Variants in ORC3 observed in about 807,000 individuals in gnomAD.
ORC3 encodes homolog of latheo, Drosophila.
ORC3 carries 78 observed loss-of-function variants against 100.7 expected under a neutral mutation model. The ratio of observed to expected loss-of-function variants is 0.77; its 90% CI spans 0.65 to 0.94. ORC3 has a LOEUF of 0.94. Ranked by LOEUF, ORC3 falls within the 40% of genes least tolerant of loss-of-function variation. The pLI is 0.00. For synonymous variants in ORC3, 295 were observed against 289.3 expected, an observed-to-expected ratio of 1.02 and a Z score of -0.20; for missense variants, 789 against 823.9, an observed-to-expected ratio of 0.96 and a Z score of 0.52.
chr6:87,613,806 G>C (rs1035934089), intron 8 of ORC3, among the ~76,000 whole-genome samples: 1 of 152,314 alleles, frequency 6.6e-6, no homozygotes, highest in East Asian at 1.9e-4. Flanking sequence ...TGATGCAAGA[G>C]GTGGGTTCCC....
chr6:87,616,003 G>A (rs1779127172), intron 8 of ORC3, among the ~76,000 whole-genome samples: 1 of 150,696 alleles, frequency 6.6e-6, no homozygotes. Flanking sequence ...CTTCTTCAGT[G>A]GTTTCTGGTG....
intron 3 of ORC3, 52 bp from the exon 4 acceptor site, chr6:87,603,332 G>C: frequency 1.0e-6 from 1 of 965,714 alleles, no homozygotes; most frequent in East Asian, 2.7e-5. Context: ...AACCAGGAAA[G>C]ACATCAGATT....
intron 11 of ORC3, among the ~76,000 whole-genome samples, chr6:87,624,389 C>G (rs1406928651): frequency 2.6e-5 from 4 of 152,072 alleles, no homozygotes; most frequent in Non-Finnish European, 4.4e-5. Flanking sequence ...GAGGCTGAGG[C>G]AGGAGAATCA....
At position 87,667,284 on chromosome 6, in the gene ORC3, A is replaced by G; in HGVS notation, c.*161A>G. ...AGTACATTGCTAACCCCAAACAGGCATGTATCAAAACACCTGTGGAGTACT... is the reference window on the plus strand; with the variant it reads ...AGTACATTGCTAACCCCAAACAGGCGTGTATCAAAACACCTGTGGAGTACT... On this transcript the variant is annotated 3_prime_UTR_variant, in exon 20 of 20. Coordinates refer to ENST00000392844, the MANE Select transcript of ORC3 (RefSeq NM_012381.4). The G allele has an allele frequency of 1.9e-6, 1 of 526,158 alleles. No individual in the cohort carries two copies. The highest frequency in any genetic ancestry group is 3.3e-6 in the Non-Finnish European group (1 of 300,122). The allele number at this position is 526,158 out of a possible 1,614,324, so 32.6% of individuals were successfully genotyped here.
intron 14 of ORC3, among the ~76,000 whole-genome samples, chr6:87,655,189 A>G (rs992483124): frequency 3.9e-5 from 6 of 152,074 alleles, no homozygotes; most frequent in African/African-American, 1.4e-4. Flanking sequence ...AGAGTGTCAT[A>G]TCAGATTTTT....
intron 15 of ORC3, 66 bp downstream of exon 15, chr6:87,657,048 GATTAA>G: frequency 9.3e-7 from 1 of 1,071,352 alleles, no homozygotes; most frequent in Non-Finnish European, 1.5e-6. Flanking sequence ...TTGTGCTCTA[GATTAA>G]CTCTGCCTGG....
intron 2 of ORC3, among the ~76,000 whole-genome samples, chr6:87,599,069 G>A (rs1777683747): frequency 6.6e-6 from 1 of 152,156 alleles, no homozygotes; most frequent in Admixed American, 6.6e-5. Context: ...TAGAAACCTG[G>A]CAACAGTGAG....
At chr6:87,676,196 G>A in the ORC3 span, among the ~76,000 whole-genome samples, 5 of 151,944 alleles carry the variant, frequency 3.3e-5, no homozygotes. Context: ...CGGGTGCGGT[G>A]GCTCACGCCT....
At chr6:87,606,170 G>A in intron 5 of ORC3, 149 bp downstream of exon 5, 1 of 542,670 alleles carries the variant, frequency 1.8e-6, no homozygotes, top group Non-Finnish European at 3.3e-6. Context: ...GGGGCTCTCA[G>A]AGTAATTGTG....
chr6:87,672,703 T>C, the ORC3 span, among the ~76,000 whole-genome samples: 1 of 152,204 alleles, frequency 6.6e-6, no homozygotes, highest in Non-Finnish European at 1.5e-5. Context: ...AAGCAGTCTC[T>C]GGGGATAGGT....
In ORC3 at chr6:87,634,827, A is replaced by G; in HGVS notation, c.1186-18A>G. The G allele has an allele frequency of 1.8e-6, 2 of 1,092,924 alleles. No homozygotes were observed. The highest frequency in any genetic ancestry group is 1.5e-5 in the African/African-American group (1 of 65,000). The allele number at this position is 1,092,924 out of a possible 1,614,324, so 67.7% of individuals were successfully genotyped here. A position where few individuals can be genotyped will look rare whatever the true frequency, so the allele number is the denominator to read the frequency against. On this transcript the variant is annotated intron_variant, in intron 11 of 19. Transcript: ENST00000392844. ...ATTAGCTGACTTACATATTAATAAT[A>G]TATTCTGTGATTTTTAGGAGGAAAC... is the stretch of plus-strand genomic sequence containing the variant.
intron 10 of ORC3, 145 bp from the exon 11 acceptor site, chr6:87,621,805 C>G (rs1779552054): frequency 1.7e-6 from 1 of 605,062 alleles, no homozygotes; most frequent in Non-Finnish European, 2.9e-6. Context: ...ACCATTAAAC[C>G]ATAAATGTCA....
At chr6:87,593,028 G>A (rs1449792786) in intron 1 of ORC3, among the ~76,000 whole-genome samples, 1 of 152,190 alleles carries the variant, frequency 6.6e-6, no homozygotes, top group African/African-American at 2.4e-5. Flanking sequence ...GGGAGGCAAA[G>A]GTTGCAGTGA....
chr6:87,634,836 G>T lies in ORC3; in HGVS notation c.1186-9G>T. ...CTTACATATTAATAATATATTCTGT[G>T]ATTTTTAGGAGGAAACACAATTATT... On this transcript the variant is annotated splice_polypyrimidine_tract_variant and intron_variant, in intron 11 of 19. Coordinates refer to ENST00000392844, the MANE Select transcript of ORC3 (RefSeq NM_012381.4). 7.9e-7 allele frequency: 1 copy of T among 1,259,536 alleles called. No individual in the cohort carries two copies. Among genetic ancestry groups the T allele is most frequent in the Non-Finnish European group, 1.2e-6 (1 of 858,358 alleles). The allele number at this position is 1,259,536 out of a possible 1,614,324, so 78.0% of individuals were successfully genotyped here. A position where few individuals can be genotyped will look rare whatever the true frequency, so the allele number is the denominator to read the frequency against.
At chr6:87,646,018 G>A (rs985679660) in intron 13 of ORC3, among the ~76,000 whole-genome samples, 2 of 117,994 alleles carry the variant, frequency 1.7e-5, no homozygotes, top group Admixed American at 1.1e-4. Context: ...GCGGAGTCTT[G>A]CGCTGTTGCC....
At chr6:87,605,660 AAAAG>A (rs1330453442) in intron 4 of ORC3, among the ~76,000 whole-genome samples, 1 of 152,156 alleles carries the variant, frequency 6.6e-6, no homozygotes. Context: ...AAAAAAAAAA[AAAAG>A]AAGCTTTCAA....
At chr6:87,676,596 AACACAC>A in the ORC3 span, among the ~76,000 whole-genome samples, 574 of 142,048 alleles carry the variant, frequency 4.0e-3, 3 homozygotes, top group African/African-American at 6.0e-3. Context: ...CTCTACTAAA[AACACAC>A]ACACACACAC....
chr6:87,676,333 CA>C, the ORC3 span, among the ~76,000 whole-genome samples: 12 of 148,186 alleles, frequency 8.1e-5, no homozygotes, highest in East Asian at 8.0e-4. Context: ...GGCATGGTGG[CA>C]GGCCGCCTGT....
intron 13 of ORC3, among the ~76,000 whole-genome samples, chr6:87,643,443 T>C (rs1768441201): frequency 6.6e-6 from 1 of 151,362 alleles, no homozygotes; most frequent in Non-Finnish European, 1.5e-5. Context: ...GGGGGAAACT[T>C]TTGAGGAAAA....
Sources: gnomAD v4.1 joint callset for allele counts (sites outside exome capture counted in the v4.1 genomes callset) on GRCh38, gnomAD v4.1.1 for gene constraint, MANE v1.5 for transcripts, NCBI Gene and HGNC (gene_info 2026-07-23, HGNC 2026-07-21) for gene names.